Variants in SERPING1 observed in about 807,000 individuals in gnomAD.
SERPING1 encodes plasma protease C1 inhibitor.
In SERPING1, 5 loss-of-function variants were observed where a neutral mutation model predicts 34.1. The ratio of observed to expected loss-of-function variants is 0.15; its 90% CI spans 0.08 to 0.31. SERPING1 has a LOEUF of 0.31. Among genes scored for constraint, SERPING1 ranks in the 10% least tolerant of loss-of-function variants. The pLI, the probability that SERPING1 is intolerant of heterozygous loss-of-function variation, is 1.00. For synonymous variants in SERPING1, 225 were observed against 242.4 expected (o/e 0.93, Z 0.67); for missense variants, 505 against 609.5 (o/e 0.83, Z 1.81).
chr11:57,613,361 G>A (rs1945502174), intron 7 of SERPING1, among the ~76,000 whole-genome samples: 2 of 152,126 alleles, frequency 1.3e-5, no homozygotes, highest in African/African-American at 4.8e-5. Flanking sequence ...CGTTTCCAAT[G>A]TCAGTTACAA....
At position 57,614,586 on chromosome 11, in the gene SERPING1, T is replaced by C; in HGVS notation, c.*5T>C. 2 of 1,613,304 alleles carry C rather than the reference T, an allele frequency of 1.2e-6. No homozygotes were observed. The highest frequency in any genetic ancestry group is 1.7e-6 in the Non-Finnish European group (2 of 1,179,956). ...GTATATGACCCCAGGGCCTGAGACC[T>C]GCAGGATCAGGTTAGGGCGAGCGCT... On this transcript the variant is annotated 3_prime_UTR_variant, in exon 8 of 8. Transcript: ENST00000278407.
At chr11:57,603,867 G>A (rs1282438434) in intron 4 of SERPING1, among the ~76,000 whole-genome samples, 1 of 138,076 alleles carries the variant, frequency 7.2e-6, no homozygotes, top group Non-Finnish European at 1.5e-5. Flanking sequence ...TGGGGCGGGC[G>A]GGCCAGGCGC....
In SERPING1 at chr11:57,600,072, C is replaced by T. The variant is rs1338951477; in HGVS notation, c.245C>T (p.Thr82Ile). Residue 82 changes from threonine (T) to isoleucine (I), a missense_variant, in exon 3 of 8, where the codon ACC (threonine) becomes ATC (isoleucine). Transcript: ENST00000278407. ...TNSATKITANTTDEPTTQPTT... is the reference protein window; with the variant it reads ...TNSATKITANITDEPTTQPTT... ...TCAGCCACCAAAATAACAGCTAATA[C>T]CACTGATGAACCCACCACACAACCC... is the stretch of plus-strand genomic sequence containing the variant. The T allele has an allele frequency of 6.2e-7, 1 of 1,613,920 alleles. No individual in the cohort carries two copies. Among genetic ancestry groups the T allele is most frequent in the Admixed American group, 1.7e-5 (1 of 59,962 alleles).
intron 4 of SERPING1, among the ~76,000 whole-genome samples, chr11:57,605,437 T>A (rs894462394): frequency 1.3e-5 from 2 of 152,064 alleles, no homozygotes; most frequent in Non-Finnish European, 2.9e-5. Context: ...TAGCTGGGAT[T>A]ACAGGCTGGT....
Position 57,606,201 on chromosome 11 carries a change from A to G in SERPING1, c.877A>G (p.Ile293Val), listed in dbSNP as rs1480947538. 8 of 1,614,156 alleles carry G rather than the reference A, an allele frequency of 5.0e-6. No individual in the cohort carries two copies. The highest frequency in any genetic ancestry group is 2.2e-5 in the East Asian group (1 of 44,882). The change falls in exon 5 of 8, where the codon ATC becomes GTC. Residue 293 changes from isoleucine to valine, a missense_variant. Ile to Val is a conservative substitution (Grantham distance 29). Coordinates refer to ENST00000278407, the MANE Select transcript of SERPING1 (RefSeq NM_000062.3). ...TACCCGCCTTGTCCTCCTCAATGCT[A>G]TCTACCTGAGTGGTAAGGGTGCCCT... is the stretch of plus-strand genomic sequence containing the variant. ...SDTRLVLLNA[I>V]YLSAKWKTTF...
intron 4 of SERPING1, among the ~76,000 whole-genome samples, chr11:57,604,121 G>A (rs1219876993): frequency 9.8e-6 from 1 of 102,488 alleles, no homozygotes; most frequent in African/African-American, 3.9e-5. Context: ...GACAGACCGA[G>A]ACTCTGTCTC....
At position 57,614,480 on chromosome 11, in the gene SERPING1, C is replaced by A. The variant is rs1328357866; in HGVS notation, c.1402C>A (p.Leu468Met). ...CTCCGCCATCTCTGTGGCCCGCACC[C>A]TGCTGGTCTTTGAAGTGCAGCAGCC... ...AASAISVART[L>M]LVFEVQQPFL... The change falls in exon 8 of 8, where the codon CTG becomes ATG. Residue 468 changes from leucine (L) to methionine (M), a missense_variant. Physicochemically the swap from Leu to Met is conservative, Grantham distance 15. Coordinates refer to ENST00000278407, the MANE Select transcript of SERPING1 (RefSeq NM_000062.3). 6.2e-7 allele frequency: 1 copy of A among 1,614,134 alleles called. No individual in the cohort carries two copies. Among genetic ancestry groups the A allele is most frequent in the Non-Finnish European group, 8.5e-7 (1 of 1,180,018 alleles).
At chr11:57,598,633 C>T (rs1365561626) in intron 2 of SERPING1, among the ~76,000 whole-genome samples, 2 of 152,156 alleles carry the variant, frequency 1.3e-5, no homozygotes, top group South Asian at 4.1e-4. Context: ...CCCTGTCCAC[C>T]AAGCAGGCTT....
intron 3 of SERPING1, 92 bp from the exon 4 acceptor site, chr11:57,601,943 C>G: frequency 7.2e-7 from 1 of 1,391,588 alleles, no homozygotes; most frequent in East Asian, 2.3e-5. Flanking sequence ...GCAGGGAATA[C>G]CCTCCATTCC....
intron 2 of SERPING1, 55 bp downstream of exon 2, chr11:57,598,376 TGCGGGGTGCGG>T: frequency 6.6e-7 from 1 of 1,504,602 alleles, no homozygotes; most frequent in Non-Finnish European, 8.9e-7. Flanking sequence ...GGCGGGATGG[TGCGGGGTGCGG>T]GCGGTGGCTG....
chr11:57,606,962 G>A (rs1462680456), intron 6 of SERPING1, among the ~76,000 whole-genome samples: 2 of 152,192 alleles, frequency 1.3e-5, no homozygotes, highest in African/African-American at 4.8e-5. Context: ...CATATATGTG[G>A]TAAGTGCATG....
intron 4 of SERPING1, among the ~76,000 whole-genome samples, chr11:57,602,400 A>G (rs1012550530): frequency 5.3e-5 from 8 of 152,234 alleles, no homozygotes; most frequent in African/African-American, 1.9e-4. Flanking sequence ...CTGCTTTAGA[A>G]TAAAAATAAC....
intron 6 of SERPING1, among the ~76,000 whole-genome samples, chr11:57,607,896 G>A (rs1310917503): frequency 6.6e-6 from 1 of 152,180 alleles, no homozygotes; most frequent in Non-Finnish European, 1.5e-5. Flanking sequence ...CTGACCTCAA[G>A]TGATCCACAC....
intron 7 of SERPING1, among the ~76,000 whole-genome samples, chr11:57,612,607 C>T (rs934447633): frequency 6.6e-6 from 1 of 151,698 alleles, no homozygotes; most frequent in Admixed American, 6.6e-5. Flanking sequence ...TTAGTAGAGA[C>T]GGGGTTTCAC....
chr11:57,601,989 C>T, intron 3 of SERPING1, 46 bp from the exon 4 acceptor site: 1 of 1,613,466 alleles, frequency 6.2e-7, no homozygotes, highest in East Asian at 2.2e-5. Flanking sequence ...AAGGAAGGCC[C>T]CCGACTCATC....
intron 6 of SERPING1, among the ~76,000 whole-genome samples, chr11:57,608,148 C>T (rs956842283): frequency 2.6e-5 from 4 of 152,114 alleles, no homozygotes; most frequent in Admixed American, 2.0e-4. Context: ...ATTCAAGATA[C>T]GTTGGGGGAG....
At position 57,611,682 on chromosome 11, in the gene SERPING1, A is replaced by G. The variant is rs766295624; in HGVS notation, c.1030-35A>G. On this transcript the variant is annotated intron_variant, in intron 6 of 7. Coordinates refer to ENST00000278407, the MANE Select transcript of SERPING1 (RefSeq NM_000062.3). ...GGTGGGGCCAGGAGAGAGATGCGGT[A>G]GGAAGACTGTTAAGATGCATCTCTT... 15 of 1,575,376 alleles carry G rather than the reference A, an allele frequency of 9.5e-6. No homozygotes were observed. In the East Asian group the frequency reaches 3.4e-4, roughly 35 times the overall value.
At chr11:57,611,960 A>G in intron 7 of SERPING1, 24 bp downstream of exon 7, 1 of 1,583,510 alleles carries the variant, frequency 6.3e-7, no homozygotes, top group Non-Finnish European at 8.7e-7. Context: ...GCTTAGGGTT[A>G]CTCCCAGGCC....
At chr11:57,610,632 C>T (rs1207823185) in intron 6 of SERPING1, among the ~76,000 whole-genome samples, 1 of 152,196 alleles carries the variant, frequency 6.6e-6, no homozygotes, top group Non-Finnish European at 1.5e-5. Context: ...TAATGACAGT[C>T]TCATATCCTA....
Sources: gnomAD v4.1 joint callset for allele counts (sites outside exome capture counted in the v4.1 genomes callset) on GRCh38, gnomAD v4.1.1 for gene constraint, MANE v1.5 for transcripts, NCBI Gene and HGNC (gene_info 2026-07-23, HGNC 2026-07-21) for gene names.